Variants in WWOX observed in about 807,000 individuals in gnomAD.
The protein encoded by WWOX is WW domain-containing oxidoreductase.
WWOX carries 69 observed loss-of-function variants against 46.2 expected under a neutral mutation model. The ratio of observed to expected loss-of-function variants is 1.49; its 90% CI spans 1.23 to 1.82. The LOEUF (loss-of-function observed/expected upper bound fraction) is 1.82, where lower values mean the gene tolerates loss of function less well. Among genes scored for constraint, WWOX ranks in the 40% most tolerant of loss-of-function variants. The pLI is 0.00. For synonymous variants in WWOX, 359 were observed against 202.6 expected (o/e 1.77, Z -6.56); for missense variants, 919 against 542.6 (o/e 1.69, Z -6.89).
At chr16:78,515,673 C>T (rs955480534) in intron 8 of WWOX, among the ~76,000 whole-genome samples, 3 of 152,198 alleles carry the variant, frequency 2.0e-5, no homozygotes, top group South Asian at 2.1e-4. Context: ...TCCTCGCAGC[C>T]GCTCCCTTCC....
chr16:78,861,208 GGCCTGAATAAAATAA>G (rs927086096), intron 8 of WWOX, among the ~76,000 whole-genome samples: 1 of 151,884 alleles, frequency 6.6e-6, no homozygotes, highest in African/African-American at 2.4e-5. Context: ...CTCTGTTGAA[GGCCTGAATAAAATAA>G]AAGACTGAGT....
At chr16:78,397,660 G>T (rs188888861) in intron 6 of WWOX, among the ~76,000 whole-genome samples, 1 of 152,188 alleles carries the variant, frequency 6.6e-6, no homozygotes, top group African/African-American at 2.4e-5. Context: ...TAAAATAGAT[G>T]ATGGACAGCC....
In WWOX at chr16:79,144,878, A is replaced by T. The variant is rs149092265; in HGVS notation, c.1057-66730A>T. 9.0e-3 allele frequency among the ~76,000 whole-genome samples: 1,366 copies of T among 152,284 alleles called. 15 individuals carry two copies. The highest frequency in any genetic ancestry group is 0.028 in the South Asian group (135 of 4,832). On this transcript the variant is annotated intron_variant, in intron 8 of 8. Coordinates refer to ENST00000566780, the MANE Select transcript of WWOX (RefSeq NM_016373.4). ...TATAATTGTTCTATTATTGTTGCTC[A>T]TCTCTTACTGTGCCTAATTTATAAG...
intron 8 of WWOX, among the ~76,000 whole-genome samples, chr16:78,758,528 C>T (rs1025203217): frequency 6.6e-6 from 1 of 152,190 alleles, no homozygotes; most frequent in Non-Finnish European, 1.5e-5. Flanking sequence ...ATGCCAGTGT[C>T]GTAACGCCAC....
intron 5 of WWOX, among the ~76,000 whole-genome samples, chr16:78,287,842 A>C (rs1353676981): frequency 6.6e-6 from 1 of 152,240 alleles, no homozygotes; most frequent in South Asian, 2.1e-4. Context: ...CCACAAAGGC[A>C]CAAGAACTGT....
At chr16:78,575,295 T>G (rs2151580095) in intron 8 of WWOX, among the ~76,000 whole-genome samples, 1 of 150,628 alleles carries the variant, frequency 6.6e-6, no homozygotes, top group South Asian at 2.1e-4. Flanking sequence ...TAAGACTATC[T>G]AAGATTCAGA....
chr16:78,160,248 T>C (rs1289715420), intron 4 of WWOX, among the ~76,000 whole-genome samples: 1 of 152,064 alleles, frequency 6.6e-6, no homozygotes, highest in Non-Finnish European at 1.5e-5. Context: ...AGTGGCATGA[T>C]CATCCTCCTG....
chr16:78,242,235 A>G (rs745923744), intron 5 of WWOX, among the ~76,000 whole-genome samples: 1 of 152,238 alleles, frequency 6.6e-6, no homozygotes, highest in Non-Finnish European at 1.5e-5. Context: ...TTTATTAGAC[A>G]TAATTCTGGA....
chr16:78,395,863 A>G (rs982047352), intron 6 of WWOX, among the ~76,000 whole-genome samples: 1 of 152,120 alleles, frequency 6.6e-6, no homozygotes. Flanking sequence ...TTCGGAGTAA[A>G]TGCTTAGATT....
At chr16:78,817,115 T>G (rs912174810) in intron 8 of WWOX, among the ~76,000 whole-genome samples, 1 of 148,444 alleles carries the variant, frequency 6.7e-6, no homozygotes, top group Admixed American at 6.8e-5. Flanking sequence ...AGCTAAGGAA[T>G]GAAAAGTTGC....
intron 8 of WWOX, among the ~76,000 whole-genome samples, chr16:78,928,965 A>G (rs2045561374): frequency 6.6e-6 from 1 of 152,224 alleles, no homozygotes; most frequent in Non-Finnish European, 1.5e-5. Flanking sequence ...TAAACTTTAC[A>G]TGTATGCATG....
chr16:78,633,232 A>T (rs2046482612), intron 8 of WWOX, among the ~76,000 whole-genome samples: 2 of 152,202 alleles, frequency 1.3e-5, no homozygotes, highest in Non-Finnish European at 2.9e-5. Context: ...ACTGCGCTCC[A>T]TGCTAGGTGA....
At chr16:79,019,378 C>G (rs867545717) in intron 8 of WWOX, among the ~76,000 whole-genome samples, 1 of 151,958 alleles carries the variant, frequency 6.6e-6, no homozygotes, top group Non-Finnish European at 1.5e-5. Context: ...TCTTAGCCTA[C>G]AAAGCTATGC....
chr16:79,111,417 C>G (rs998773673), intron 8 of WWOX, among the ~76,000 whole-genome samples: 2 of 152,192 alleles, frequency 1.3e-5, no homozygotes, highest in African/African-American at 4.8e-5. Context: ...TAATCGTTTA[C>G]TGGTTTGGAG....
chr16:79,084,352 A>G (rs1200603474), intron 8 of WWOX, among the ~76,000 whole-genome samples: 1 of 152,238 alleles, frequency 6.6e-6, no homozygotes, highest in Non-Finnish European at 1.5e-5. Context: ...CATAAGAACA[A>G]CAAATAATAC....
chr16:78,522,303 T>A (rs1399212290), intron 8 of WWOX, among the ~76,000 whole-genome samples: 1 of 152,204 alleles, frequency 6.6e-6, no homozygotes, highest in African/African-American at 2.4e-5. Context: ...GACACCATTT[T>A]GCTTAATTGA....
At chr16:79,034,717 A>T (rs1323816699) in intron 8 of WWOX, among the ~76,000 whole-genome samples, 2 of 152,098 alleles carry the variant, frequency 1.3e-5, no homozygotes, top group African/African-American at 4.8e-5. Flanking sequence ...TAAAAACAAA[A>T]ATACTTCTCT....
chr16:78,813,894 C>G (rs1055494095), intron 8 of WWOX, among the ~76,000 whole-genome samples: 4 of 152,150 alleles, frequency 2.6e-5, no homozygotes, highest in Non-Finnish European at 4.4e-5. Context: ...CCTGAGCAAG[C>G]CATTAATCTA....
chr16:78,784,143 C>T (rs1242583724), intron 8 of WWOX, among the ~76,000 whole-genome samples: 1 of 151,932 alleles, frequency 6.6e-6, no homozygotes, highest in Non-Finnish European at 1.5e-5. Context: ...TTATAACAAC[C>T]CTATAAGTCA....
Sources: allele counts gnomAD v4.1 joint callset (sites outside exome capture counted in the v4.1 genomes callset), GRCh38; gene constraint gnomAD v4.1.1; transcripts MANE v1.5; gene names NCBI Gene and HGNC (gene_info 2026-07-23, HGNC 2026-07-21).